The following MTAP variants were observed in gnomAD, a reference collection of about 807,000 sequenced individuals.
The protein encoded by MTAP is methylthioadenosine phosphorylase, also known as S-methyl-5'-thioadenosine phosphorylase.
MTAP carries 33 observed loss-of-function variants against 33.6 expected under a neutral mutation model. The ratio of observed to expected loss-of-function variants is 0.98; its 90% CI spans 0.74 to 1.31. The LOEUF (loss-of-function observed/expected upper bound fraction) is 1.31, where lower values mean the gene tolerates loss of function less well. MTAP is among the 40% of genes most tolerant of loss of function. The pLI is 0.00. For synonymous variants in MTAP, 148 were observed against 125.7 expected (o/e 1.18, Z -1.19); for missense variants, 367 against 360.0 (o/e 1.02, Z -0.16).
intron 1 of MTAP, among the ~76,000 whole-genome samples, chr9:21,927,225 T>C (rs980968046): frequency 1.3e-5 from 2 of 152,100 alleles, no homozygotes; most frequent in African/African-American, 4.8e-5. Flanking sequence ...GTCCTATAGG[T>C]TACTTTTTAA....
rs1825854982 is a variant in MTAP at position 21,866,475 on chromosome 9, CA to C, written c.*4465del. The C allele has an allele frequency of 6.6e-6, 1 of 152,028 alleles. No individual in the cohort carries two copies. The highest frequency in any genetic ancestry group is 2.4e-5 in the African/African-American group (1 of 41,396). 9.4% of individuals were successfully genotyped at this position (152,028 alleles called of 1,614,324 possible). A position where few individuals can be genotyped will look rare whatever the true frequency, so the allele number is the denominator to read the frequency against. On this transcript the variant is annotated 3_prime_UTR_variant, in exon 8 of 8. Coordinates refer to ENST00000644715, the MANE Select transcript of MTAP (RefSeq NM_002451.4). ...CATTTAATTACCTGTGTGCCCTTGT[CA>C]AAATCATTTAATTTTGACTACTCAC...
intron 4 of MTAP, among the ~76,000 whole-genome samples, chr9:21,824,300 T>G (rs1824727272): frequency 6.6e-6 from 1 of 152,222 alleles, no homozygotes; most frequent in African/African-American, 2.4e-5. Context: ...TCCTTTCTGT[T>G]TGTTAGTTTT....
In MTAP at chr9:21,825,718, A is replaced by G. The variant is rs147907857; in HGVS notation, c.347+7516A>G. ...TAGCCATGTGTGTTGATATACAGCC[A>G]TTGTCCCAGATACTTAAGAGACTGA... On this transcript the variant is annotated intron_variant, in intron 4 of 7. Coordinates refer to ENST00000644715, the MANE Select transcript of MTAP (RefSeq NM_002451.4). Among the ~76,000 whole-genome samples the G allele has an allele frequency of 6.6e-3, 998 of 152,316 alleles. 10 individuals are homozygous for G. The highest frequency in any genetic ancestry group is 0.023 in the African/African-American group (946 of 41,564).
In MTAP at chr9:21,818,078, C is replaced by G. The variant is rs1479512267; in HGVS notation, c.223C>G (p.Gln75Glu). Residue 75 changes from glutamine (Q) to glutamate (E), a missense_variant, in exon 4 of 8, where the codon CAG (glutamine) becomes GAG (glutamate). Physicochemically the swap from Gln to Glu is conservative, Grantham distance 29 (BLOSUM62 2). Transcript: ENST00000644715. ...CATCATGCCTTCAAAGGTCAACTAC[C>G]AGGCGAACATCTGGGCTTTGAAGGA... is the stretch of plus-strand genomic sequence containing the variant. ...HTIMPSKVNY[Q>E]ANIWALKEEG... 2.5e-6 allele frequency: 4 copies of G among 1,613,406 alleles called. No homozygotes were observed. The highest frequency in any genetic ancestry group is 3.4e-6 in the Non-Finnish European group (4 of 1,179,874).
At chr9:21,910,651 A>G (rs1271661496) in intron 1 of MTAP, among the ~76,000 whole-genome samples, 1 of 152,206 alleles carries the variant, frequency 6.6e-6, no homozygotes, top group African/African-American at 2.4e-5. Context: ...GTTTGGAGAT[A>G]TTGTGGGGGG....
chr9:21,833,214 ATC>A (rs1825017366), intron 4 of MTAP, among the ~76,000 whole-genome samples: 1 of 151,996 alleles, frequency 6.6e-6, no homozygotes, highest in South Asian at 2.1e-4. Context: ...TTGAGACAAG[ATC>A]TCACTCTCGC....
intron 4 of MTAP, among the ~76,000 whole-genome samples, chr9:21,828,041 T>G (rs891537073): frequency 6.6e-6 from 1 of 152,228 alleles, no homozygotes; most frequent in Non-Finnish European, 1.5e-5. Context: ...ATGTCTTAAA[T>G]GTAGATGTTT....
chr9:21,940,416 G>T (rs1347359257), downstream of MTAP, among the ~76,000 whole-genome samples: 2 of 152,132 alleles, frequency 1.3e-5, no homozygotes, highest in African/African-American at 4.8e-5. Context: ...ACTATAAAGA[G>T]AAAAACTATA....
rs1279559868 is a variant in MTAP, at chr9:21,866,401, T to C, written c.*4387T>C. ...TTTGACGAAGCCTAGTTTATCAATT[T>C]TTTTTATGGTTGGTGCTTTTTGTGT... On this transcript the variant is annotated 3_prime_UTR_variant, in exon 8 of 8. Transcript: ENST00000644715. 6.6e-6 allele frequency: 1 copy of C among 152,210 alleles called. No homozygotes were observed. The highest frequency in any genetic ancestry group is 1.5e-5 in the Non-Finnish European group (1 of 68,034). The allele number at this position is 152,210 out of a possible 1,614,324, so 9.4% of individuals were successfully genotyped here. A position where few individuals can be genotyped will look rare whatever the true frequency, so the allele number is the denominator to read the frequency against.
intron 1 of MTAP, chr9:21,930,434 T>C: frequency 4.6e-6 from 1 of 216,022 alleles, no homozygotes; most frequent in South Asian, 8.8e-5. Flanking sequence ...CCTGGACATC[T>C]TTATACTCCC....
At chr9:21,932,802 C>G (rs1818984154), downstream of MTAP, 1 of 152,178 alleles carries the variant, frequency 6.6e-6, no homozygotes, top group Admixed American at 6.5e-5. Flanking sequence ...TGCAATTCCC[C>G]TGCCTTGATA....
chr9:21,910,373 A>T (rs1017636237), intron 1 of MTAP, among the ~76,000 whole-genome samples: 1 of 152,246 alleles, frequency 6.6e-6, no homozygotes, highest in African/African-American at 2.4e-5. Flanking sequence ...TGAAAAAAAT[A>T]AAACTAGTGT....
downstream of MTAP, chr9:21,935,122 A>G (rs1267791332): frequency 1.3e-5 from 2 of 152,240 alleles, no homozygotes; most frequent in Non-Finnish European, 1.5e-5. Context: ...ATGAAATTTC[A>G]TAAGTCAATT....
chr9:21,808,970 C>T (rs1462844118), intron 1 of MTAP: 1 of 152,164 alleles, frequency 6.6e-6, no homozygotes, highest in Non-Finnish European at 1.5e-5. Context: ...CCCAATCTCA[C>T]CTTAATGTTG....
intron 1 of MTAP, among the ~76,000 whole-genome samples, chr9:21,890,245 C>T (rs937482737): frequency 2.0e-5 from 3 of 152,128 alleles, no homozygotes; most frequent in Non-Finnish European, 4.4e-5. Context: ...TGACCAGCCT[C>T]ACCCAGTTCC....
chr9:21,878,199 A>G (rs1458694162), intron 1 of MTAP, among the ~76,000 whole-genome samples: 1 of 151,778 alleles, frequency 6.6e-6, no homozygotes, highest in Non-Finnish European at 1.5e-5. Flanking sequence ...GTCATTGGTA[A>G]TGTCTCCTTT....
At chr9:21,824,212 T>G (rs1225643988) in intron 4 of MTAP, among the ~76,000 whole-genome samples, 1 of 152,206 alleles carries the variant, frequency 6.6e-6, no homozygotes, top group Non-Finnish European at 1.5e-5. Context: ...TCTGCCCTAT[T>G]TTTTCCCCAT....
intron 1 of MTAP, among the ~76,000 whole-genome samples, chr9:21,872,910 C>CTCTAACAGT (rs1194639287): frequency 2.0e-5 from 3 of 152,148 alleles, no homozygotes; most frequent in Non-Finnish European, 4.4e-5. Flanking sequence ...ATCTGGTCCT[C>CTCTAACAGT]TCTAACAGTT....
chr9:21,881,407 A>G (rs1818009649), intron 1 of MTAP, among the ~76,000 whole-genome samples: 1 of 152,080 alleles, frequency 6.6e-6, no homozygotes, highest in Non-Finnish European at 1.5e-5. Context: ...AAAATAGACA[A>G]ATGGAACTAG....
Sources: gnomAD v4.1 joint callset for allele counts (sites outside exome capture counted in the v4.1 genomes callset) on GRCh38, gnomAD v4.1.1 for gene constraint, MANE v1.5 for transcripts, NCBI Gene and HGNC (gene_info 2026-07-23, HGNC 2026-07-21) for gene names.